The following FRMD6 variants were observed in gnomAD, a reference collection of about 807,000 sequenced individuals.
The protein encoded by FRMD6 is FERM domain-containing protein 6.
In FRMD6, 37 loss-of-function variants were observed where a neutral mutation model predicts 73.2. The ratio of observed to expected loss-of-function variants is 0.51; its 90% CI spans 0.39 to 0.66. The LOEUF (loss-of-function observed/expected upper bound fraction) is 0.66, where lower values mean the gene tolerates loss of function less well. Ranked by LOEUF, FRMD6 falls within the 30% of genes least tolerant of loss-of-function variation. The pLI, the probability that FRMD6 is intolerant of heterozygous loss-of-function variation, is 0.00. For missense variants in FRMD6, 714 were observed against 780.5 expected, an observed-to-expected ratio of 0.91 and a Z score of 1.02; for synonymous variants, 273 against 282.2, an observed-to-expected ratio of 0.97 and a Z score of 0.33.
intron 2 of FRMD6, among the ~76,000 whole-genome samples, chr14:51,582,078 G>T (rs1888757015): frequency 6.6e-6 from 1 of 152,174 alleles, no homozygotes; most frequent in Non-Finnish European, 1.5e-5. Context: ...CAAGCTTCTA[G>T]CATAGGGCTC....
intron 1 of FRMD6, among the ~76,000 whole-genome samples, chr14:51,527,479 G>A (rs922735785): frequency 3.9e-5 from 6 of 152,082 alleles, no homozygotes; most frequent in African/African-American, 1.4e-4. Context: ...TAAATATTTG[G>A]GTAGATGAGA....
chr14:51,640,028 A>G (rs553961250), intron 2 of FRMD6, among the ~76,000 whole-genome samples: 2 of 152,356 alleles, frequency 1.3e-5, no homozygotes, highest in African/African-American at 2.4e-5. Flanking sequence ...CAATTATGTT[A>G]TTCACTAAGA....
chr14:51,714,924 T>C (rs886293017), intron 9 of FRMD6: 1 of 153,022 alleles, frequency 6.5e-6, no homozygotes, highest in African/African-American at 2.4e-5. Flanking sequence ...ATAAATATTT[T>C]AGAATTGGTA....
At chr14:51,684,750 A>G (rs1251899476) in intron 1 of FRMD6, among the ~76,000 whole-genome samples, 1 of 152,130 alleles carries the variant, frequency 6.6e-6, no homozygotes, top group Non-Finnish European at 1.5e-5. Context: ...TTTGGCCCAA[A>G]ATGTCAGTAG....
In FRMD6 at chr14:51,590,923, G is replaced by A. The variant is rs145109670; in HGVS notation, c.-147+20513G>A. Among the ~76,000 whole-genome samples the A allele has an allele frequency of 7.6e-3, 1,163 of 152,280 alleles. 10 individuals carry two copies. The highest frequency in any genetic ancestry group is 0.028 in the Admixed American group (427 of 15,290). ...GTGTAGCCTGATTTATATATACCTC[G>A]CAGTCCCCTGTTGCCTTTTTCTTCA... On this transcript the variant is annotated intron_variant, in intron 2 of 14. Transcript: ENST00000356218.
chr14:51,671,356 C>T (rs1046247706), intron 1 of FRMD6, among the ~76,000 whole-genome samples: 1 of 152,030 alleles, frequency 6.6e-6, no homozygotes, highest in Admixed American at 6.6e-5. Context: ...ACCAGTGATG[C>T]CATCTGAGCC....
the FRMD6 span, among the ~76,000 whole-genome samples, chr14:51,474,805 T>C: frequency 6.6e-6 from 1 of 152,192 alleles, no homozygotes; most frequent in Admixed American, 6.5e-5. Context: ...ATACAGAATG[T>C]TTTGTTCACA....
intron 10 of FRMD6, among the ~76,000 whole-genome samples, chr14:51,716,200 A>G (rs1897233488): frequency 6.6e-6 from 1 of 151,990 alleles, no homozygotes; most frequent in Non-Finnish European, 1.5e-5. Context: ...CATTAATCTG[A>G]TAGCCCTTTA....
the FRMD6 span, among the ~76,000 whole-genome samples, chr14:51,409,342 T>TTA: frequency 2.3e-4 from 1 of 4,426 alleles, no homozygotes; most frequent in Non-Finnish European, 4.1e-4. Context: ...GTTTTTTGCT[T>TTA]TTTTTTTTTT....
At chr14:51,724,011 G>T (rs959279498) in intron 12 of FRMD6, 1 of 152,068 alleles carries the variant, frequency 6.6e-6, no homozygotes, top group Non-Finnish European at 1.5e-5. Flanking sequence ...TATAGATATA[G>T]ATGATTTTAT....
At chr14:51,715,249 T>C in intron 9 of FRMD6, 76 bp from the exon 10 acceptor site, 1 of 1,143,062 alleles carries the variant, frequency 8.7e-7, no homozygotes, top group East Asian at 2.6e-5. Flanking sequence ...TTTTCCTTAC[T>C]AAATAGGAAA....
chr14:51,423,063 C>T, the FRMD6 span, among the ~76,000 whole-genome samples: 1 of 152,204 alleles, frequency 6.6e-6, no homozygotes, highest in Non-Finnish European at 1.5e-5. Flanking sequence ...GTACGGCAAG[C>T]TGACTTCTGC....
chr14:51,580,492 C>A (rs1260820584), intron 2 of FRMD6, among the ~76,000 whole-genome samples: 2 of 152,110 alleles, frequency 1.3e-5, no homozygotes, highest in African/African-American at 2.4e-5. Context: ...GAAAATGAGG[C>A]ACAGAGAAGT....
At chr14:51,573,007 C>T (rs906030241) in intron 2 of FRMD6, among the ~76,000 whole-genome samples, 3 of 152,210 alleles carry the variant, frequency 2.0e-5, no homozygotes, top group African/African-American at 7.2e-5. Flanking sequence ...ACACTTTCCT[C>T]ACCCTACCCC....
upstream of FRMD6, among the ~76,000 whole-genome samples, chr14:51,486,944 T>TG (rs1040579370): frequency 7.2e-5 from 11 of 152,100 alleles, no homozygotes; most frequent in Non-Finnish European, 1.3e-4. Context: ...CCGTTTTTTT[T>TG]TTTTTGTTTT....
At chr14:51,689,509 CTT>C (rs1038755474) in intron 1 of FRMD6, among the ~76,000 whole-genome samples, 180 bp from the exon 2 acceptor site, 8 of 152,166 alleles carry the variant, frequency 5.3e-5, no homozygotes, top group African/African-American at 1.7e-4. Flanking sequence ...AGCTTTAAAA[CTT>C]TGTGGGCAAA....
chr14:51,513,623 AT>A (rs5808615), intron 1 of FRMD6, among the ~76,000 whole-genome samples: 131,652 of 149,662 alleles, frequency 0.88, 57,966 homozygotes, highest in Non-Finnish European at 0.92. Context: ...GAATCTCTAC[AT>A]TTTTTTTTTT....
the FRMD6 span, among the ~76,000 whole-genome samples, chr14:51,476,356 T>C: frequency 6.6e-6 from 1 of 152,198 alleles, no homozygotes; most frequent in Non-Finnish European, 1.5e-5. Flanking sequence ...GTCTTTCTTT[T>C]ACCAGTCAGA....
In FRMD6 at chr14:51,505,174, C is replaced by G. The variant is rs1349820669; in HGVS notation, c.-210+15754C>G. 2.6e-5 allele frequency among the ~76,000 whole-genome samples: 4 copies of G among 152,150 alleles called. No homozygotes were observed. In the East Asian group the frequency reaches 5.8e-4, roughly 22 times the overall value. Reference sequence around the variant, plus strand: ...AAAGGCTTTCTGTCCCCCGAATATTCTCCCAGAAACTTTTCACACTATTTA... The same window carrying G: ...AAAGGCTTTCTGTCCCCCGAATATTGTCCCAGAAACTTTTCACACTATTTA... On this transcript the variant is annotated intron_variant, in intron 1 of 14. Transcript: ENST00000356218.
Sources: allele counts gnomAD v4.1 joint callset (sites outside exome capture counted in the v4.1 genomes callset), GRCh38; gene constraint gnomAD v4.1.1; transcripts MANE v1.5; gene names NCBI Gene and HGNC (gene_info 2026-07-23, HGNC 2026-07-21).